Variants in IARS2 observed in about 807,000 individuals in gnomAD.
IARS2 encodes isoleucine--tRNA ligase, mitochondrial.
Under a neutral mutation model 126.3 loss-of-function variants are expected in IARS2, and 56 were observed. That is an observed-to-expected ratio of 0.44 (90% CI 0.36 to 0.55). The LOEUF is 0.55. Among genes scored for constraint, IARS2 ranks in the 20% least tolerant of loss-of-function variants. IARS2 has a pLI of 0.00. For synonymous variants in IARS2, 407 were observed against 441.1 expected (o/e 0.92, Z 0.97); for missense variants, 1,127 against 1,245.9 (o/e 0.90, Z 1.44).
rs765117112 is a variant in IARS2, at chr1:220,096,179, C to CATGATGG, written c.343_344insATGATGG (p.Pro115HisfsTer9). On this transcript the variant is annotated frameshift_variant, in exon 2 of 23. Transcript: ENST00000366922. LOFTEE classifies it high-confidence loss of function. The stretch of plus-strand genomic sequence containing the variant: ...GACAGAATTTTGCCTTCATGATGGA[C>CATGATGG]CTCCTTATGCAAACGGTGACCCTCA... 6.3e-7 allele frequency: 1 copy of CATGATGG among 1,599,312 alleles called. No individual in the cohort carries two copies. The highest frequency in any genetic ancestry group is 8.5e-7 in the Non-Finnish European group (1 of 1,169,988).
At chr1:220,100,691 C>T in intron 3 of IARS2, 42 bp downstream of exon 3, 1 of 1,473,526 alleles carries the variant, frequency 6.8e-7, no homozygotes, top group Non-Finnish European at 9.4e-7. Context: ...TATTTGTAAA[C>T]ACTCAGGTCC....
chr1:220,140,158 A>G (rs1484823744), intron 18 of IARS2, 25 bp from the exon 19 acceptor site: 4 of 1,396,926 alleles, frequency 2.9e-6, no homozygotes, highest in Non-Finnish European at 4.1e-6. Context: ...TCAGCTTCCA[A>G]ATTTATTTTG....
At position 220,094,323 on chromosome 1, in the gene IARS2, C is replaced by T. The variant is rs780744587; in HGVS notation, c.107C>T (p.Ala36Val). 1 of 1,612,672 alleles carries T rather than the reference C, an allele frequency of 6.2e-7. No individual in the cohort carries two copies. The highest frequency in any genetic ancestry group is 1.7e-4 in the Middle Eastern group (1 of 6,060). Residue 36 changes from alanine to valine, a missense_variant, in exon 1 of 23, where the codon GCG (alanine) becomes GTG (valine). Physicochemically the swap from Ala to Val is moderately conservative, Grantham distance 64. Transcript: ENST00000366922. Reference sequence around the variant, plus strand: ...CCCTGCAGCCCGGGATGGCAAGGGGCGACGAAGAGGCTTCTGGTGCGGTCG... The same window carrying T: ...CCCTGCAGCCCGGGATGGCAAGGGGTGACGAAGAGGCTTCTGGTGCGGTCG... ...RLPCSPGWQG[A>V]TKRLLVRSVS...
intron 2 of IARS2, among the ~76,000 whole-genome samples, chr1:220,097,040 C>T (rs1440737639): frequency 6.7e-6 from 1 of 148,626 alleles, no homozygotes; most frequent in Admixed American, 6.7e-5. Flanking sequence ...AGCAAGATTC[C>T]GTCTCAAAAA....
chr1:220,110,791 A>G lies in IARS2; in HGVS notation c.1333A>G (p.Lys445Glu). 1 of 1,595,980 alleles carries G rather than the reference A, an allele frequency of 6.3e-7. No homozygotes were observed. The highest frequency in any genetic ancestry group is 8.5e-7 in the Non-Finnish European group (1 of 1,171,590). ...TGGTGTTTTTTTTTTTAAAGTTATAAAGATGCTTCAGACTGCAAAGAATTT... is the reference window on the plus strand; with the variant it reads ...TGGTGTTTTTTTTTTTAAAGTTATAGAGATGCTTCAGACTGCAAAGAATTT... Reference protein sequence around the residue: ...VLEEGTDVVIKMLQTAKNLLK... With the variant: ...VLEEGTDVVIEMLQTAKNLLK... The change falls in exon 11 of 23, where the codon AAG (lysine) becomes GAG (glutamate). Residue 445 changes from lysine to glutamate, a missense_variant. By Grantham distance (56) the Lys-to-Glu change is moderately conservative (BLOSUM62 1). Coordinates refer to ENST00000366922, the MANE Select transcript of IARS2 (RefSeq NM_018060.4).
At chr1:220,117,093 C>T (rs1050427604) in intron 12 of IARS2, among the ~76,000 whole-genome samples, 6 of 147,010 alleles carry the variant, frequency 4.1e-5, no homozygotes, top group Middle Eastern at 3.7e-3. Context: ...ATACCTGAGA[C>T]GAGTTTCCAC....
chr1:220,140,887 G>A (rs1657475530), intron 19 of IARS2, among the ~76,000 whole-genome samples: 1 of 151,630 alleles, frequency 6.6e-6, no homozygotes, highest in Non-Finnish European at 1.5e-5. Flanking sequence ...GGGAGGCTGA[G>A]GCAGGAGAAT....
rs17563518 is a variant in IARS2, at chr1:220,102,962, C to T, written c.950+185C>T. Among the ~76,000 whole-genome samples, 22,231 of 151,826 alleles carry T rather than the reference C, an allele frequency of 0.15. 2,019 individuals carry two copies. The highest frequency in any genetic ancestry group is 0.22 in the Admixed American group (3,335 of 15,256). On this transcript the variant is annotated intron_variant, in intron 7 of 22. Transcript: ENST00000366922. ...CTTTTTATGACCTTATCCAGCTTTT[C>T]GGGAAAATGAAATAGAAGTATAAGT...
chr1:220,101,730 G>A (rs918750012), intron 3 of IARS2, among the ~76,000 whole-genome samples: 8 of 152,104 alleles, frequency 5.3e-5, no homozygotes, highest in Non-Finnish European at 7.3e-5. Context: ...CTCGGGCGCC[G>A]TGGCTCACGC....
chr1:220,144,136 C>T lies in IARS2; in HGVS notation c.2751+1002C>T, dbSNP rs556264925. 1,278 of 820,722 alleles carry T rather than the reference C, an allele frequency of 1.6e-3. 8 individuals are homozygous for T. Among genetic ancestry groups the T allele is most frequent in the South Asian group, 2.8e-3 (211 of 75,662 alleles). The allele number at this position is 820,722 out of a possible 1,614,324, so 50.8% of individuals were successfully genotyped here. A position where few individuals can be genotyped will look rare whatever the true frequency, so the allele number is the denominator to read the frequency against. ...ATCAAATCTGGGGCTGATGTCTCCA[C>T]ACTTGTTTAGCCTGCCTGTGAGGTT... On this transcript the variant is annotated intron_variant, in intron 21 of 22. Coordinates refer to ENST00000366922, the MANE Select transcript of IARS2 (RefSeq NM_018060.4).
chr1:220,139,362 A>T (rs1038703368), intron 18 of IARS2, among the ~76,000 whole-genome samples: 1 of 152,230 alleles, frequency 6.6e-6, no homozygotes, highest in Non-Finnish European at 1.5e-5. Flanking sequence ...TTATCTGCAC[A>T]TGTGCTCCTC....
At chr1:220,125,374 G>T in intron 13 of IARS2, 35 bp downstream of exon 13, 1 of 1,277,346 alleles carries the variant, frequency 7.8e-7, no homozygotes, top group Middle Eastern at 1.8e-4. Flanking sequence ...GCCTTTGTAT[G>T]TATTACAGGA....
chr1:220,136,713 G>A (rs1571862584), intron 15 of IARS2, 96 bp from the exon 16 acceptor site: 4 of 453,152 alleles, frequency 8.8e-6, no homozygotes, highest in South Asian at 4.3e-5. Context: ...TCATATTTTT[G>A]TGTCAAACTT....
At chr1:220,103,861 AAGT>A (rs948999743) in intron 8 of IARS2, among the ~76,000 whole-genome samples, 4 of 152,372 alleles carry the variant, frequency 2.6e-5, no homozygotes, top group Non-Finnish European at 4.4e-5. Flanking sequence ...GTTTTAATAA[AAGT>A]AGCAAGAAAG....
At chr1:220,111,349 A>G (rs2102823234) in intron 11 of IARS2, among the ~76,000 whole-genome samples, 1 of 152,324 alleles carries the variant, frequency 6.6e-6, no homozygotes, top group East Asian at 1.9e-4. Flanking sequence ...ATACATAATA[A>G]GCAGTCAGTA....
intron 11 of IARS2, among the ~76,000 whole-genome samples, chr1:220,112,869 A>G (rs1656839648): frequency 6.9e-6 from 1 of 144,030 alleles, no homozygotes; most frequent in African/African-American, 2.6e-5. Flanking sequence ...GTATTTATTT[A>G]TTTATTTTCT....
intron 19 of IARS2, 63 bp from the exon 20 acceptor site, chr1:220,141,740 C>G: frequency 6.5e-7 from 1 of 1,534,474 alleles, no homozygotes; most frequent in Non-Finnish European, 8.9e-7. Flanking sequence ...TGAGGCAGGT[C>G]CCATCTAGGT....
rs368264345 is a variant in IARS2 at position 220,136,876 on chromosome 1, G to A, written c.2014G>A (p.Val672Ile). 33 of 1,611,256 alleles carry A rather than the reference G, an allele frequency of 2.0e-5. No homozygotes were observed. In the African/African-American group the frequency reaches 3.2e-4, roughly 16 times the overall value. ...GEKMSKSLGNVIHPDVVVNGG... is the reference protein window; with the variant it reads ...GEKMSKSLGNIIHPDVVVNGG... Reference sequence around the variant, plus strand: ...AAAGATGTCCAAGTCTCTTGGGAATGTCATTCATCCTGATGTTGTCGTTAA... The same window carrying A: ...AAAGATGTCCAAGTCTCTTGGGAATATCATTCATCCTGATGTTGTCGTTAA... The change falls in exon 16 of 23, where the codon GTC becomes ATC. Residue 672 changes from valine to isoleucine, a missense_variant. Coordinates refer to ENST00000366922, the MANE Select transcript of IARS2 (RefSeq NM_018060.4).
At chr1:220,136,400 G>A (rs1263393717) in intron 15 of IARS2, among the ~76,000 whole-genome samples, 1 of 152,114 alleles carries the variant, frequency 6.6e-6, no homozygotes, top group African/African-American at 2.4e-5. Flanking sequence ...CCAGAGTGTT[G>A]GGATTACAGG....
Sources: gnomAD v4.1 joint callset for allele counts (sites outside exome capture counted in the v4.1 genomes callset) on GRCh38, gnomAD v4.1.1 for gene constraint, MANE v1.5 for transcripts, NCBI Gene and HGNC (gene_info 2026-07-23, HGNC 2026-07-21) for gene names.